HSD17B3: variants seen among roughly 807,000 people sequenced by gnomAD.
HSD17B3 encodes hydroxysteroid 17-beta dehydrogenase 3.
HSD17B3 carries 29 observed loss-of-function variants against 41.1 expected under a neutral mutation model. The observed-to-expected ratio is 0.71, with a 90% confidence interval of 0.53 to 0.96. The LOEUF is 0.96. HSD17B3 is among the 40% of genes least tolerant of loss of function. The pLI is 0.00. For missense variants in HSD17B3, 323 were observed against 374.6 expected (o/e 0.86, Z 1.14); for synonymous variants, 126 against 145.6 (o/e 0.87, Z 0.97).
chr9:96,249,570 C>T, intron 6 of HSD17B3, 181 bp downstream of exon 6: 3 of 644,164 alleles, frequency 4.7e-6, no homozygotes, highest in Non-Finnish European at 8.4e-6. Context: ...GAATCCATTA[C>T]TGTATTTTCT....
chr9:96,246,368 C>T, intron 7 of HSD17B3, 188 bp downstream of exon 7: 1 of 659,350 alleles, frequency 1.5e-6, no homozygotes, highest in Non-Finnish European at 2.7e-6. Context: ...ATGAGCTTGT[C>T]TGTCTGCAGA....
chr9:96,295,069 C>T (rs1827297915), intron 2 of HSD17B3, among the ~76,000 whole-genome samples: 1 of 130,598 alleles, frequency 7.7e-6, no homozygotes, highest in Admixed American at 9.0e-5. Context: ...TGCAGTGGCA[C>T]AATCTCGGCC....
At position 96,302,055 on chromosome 9, in the gene HSD17B3, C is replaced by A. The variant is rs868469733; in HGVS notation, c.50G>T (p.Cys17Phe). The change falls in exon 1 of 11, where the codon TGC becomes TTC. Residue 17 changes from cysteine to phenylalanine, a missense_variant. By Grantham distance (205) the Cys-to-Phe change is radical. Coordinates refer to ENST00000375263, the MANE Select transcript of HSD17B3 (RefSeq NM_000197.2). Reference sequence around the variant, plus strand: ...CACGCACTTCGCCAGGCAGGCCAGGCACACCAGCAGCCCTGTGAGGATGAA... The same window carrying A: ...CACGCACTTCGCCAGGCAGGCCAGGAACACCAGCAGCCCTGTGAGGATGAA... ...QFFILTGLLV[C>F]LACLAKCVRF... 5.6e-6 allele frequency: 9 copies of A among 1,614,018 alleles called. 1 individual carries two copies. In the African/African-American group the frequency reaches 6.7e-5, roughly 12 times the overall value.
chr9:96,270,269 CAGAGAGAG>C (rs961122103), intron 2 of HSD17B3, among the ~76,000 whole-genome samples: 1 of 150,886 alleles, frequency 6.6e-6, no homozygotes, highest in East Asian at 1.9e-4. Flanking sequence ...CACACACACA[CAGAGAGAG>C]AGAGAGAGAG....
chr9:96,238,727 G>C (rs1409211358), intron 10 of HSD17B3, among the ~76,000 whole-genome samples: 2 of 152,188 alleles, frequency 1.3e-5, no homozygotes, highest in African/African-American at 4.8e-5. Context: ...AAAGAGAAAG[G>C]CGTGGTCAGA....
intron 2 of HSD17B3, among the ~76,000 whole-genome samples, chr9:96,295,132 G>C (rs1413558108): frequency 1.4e-5 from 2 of 138,968 alleles, no homozygotes; most frequent in African/African-American, 5.4e-5. Flanking sequence ...TCAGCCTCCT[G>C]AGTAGCTGGG....
chr9:96,240,665 C>G (rs1447042924), intron 10 of HSD17B3, 93 bp downstream of exon 10: 1 of 1,272,544 alleles, frequency 7.9e-7, no homozygotes, highest in African/African-American at 1.5e-5. Context: ...TCAATGAGTG[C>G]TCCAGCAGCA....
intron 2 of HSD17B3, among the ~76,000 whole-genome samples, chr9:96,277,994 A>G (rs966901629): frequency 2.6e-5 from 4 of 152,246 alleles, no homozygotes; most frequent in African/African-American, 7.2e-5. Flanking sequence ...ACACAAAGAC[A>G]AATACTGCAT....
At chr9:96,278,384 C>G (rs941506330) in intron 2 of HSD17B3, among the ~76,000 whole-genome samples, 1 of 152,092 alleles carries the variant, frequency 6.6e-6, no homozygotes, top group African/African-American at 2.4e-5. Context: ...AAGTCATACA[C>G]TTAAATATAT....
intron 2 of HSD17B3, among the ~76,000 whole-genome samples, chr9:96,260,039 G>A (rs772723968): frequency 6.6e-6 from 1 of 152,136 alleles, no homozygotes; most frequent in Non-Finnish European, 1.5e-5. Flanking sequence ...TACTTGCCTT[G>A]CTCCCTACTG....
chr9:96,257,838 A>AT (rs1390312279), intron 2 of HSD17B3, among the ~76,000 whole-genome samples: 2 of 152,082 alleles, frequency 1.3e-5, no homozygotes, highest in African/African-American at 4.8e-5. Flanking sequence ...CTAATTCTTT[A>AT]TTTTTTGTAG....
intron 2 of HSD17B3, among the ~76,000 whole-genome samples, chr9:96,281,308 CA>C (rs901772686): frequency 2.0e-5 from 3 of 151,694 alleles, no homozygotes; most frequent in East Asian, 1.9e-4. Context: ...GCCCCCGACC[CA>C]AAAAAAATAG....
intron 2 of HSD17B3, among the ~76,000 whole-genome samples, chr9:96,267,470 A>T (rs1347661824): frequency 6.6e-6 from 1 of 152,060 alleles, no homozygotes; most frequent in East Asian, 1.9e-4. Context: ...CCATTTTTAA[A>T]AGAAGAAAAA....
intron 9 of HSD17B3, among the ~76,000 whole-genome samples, chr9:96,241,293 G>C (rs1365370887): frequency 3.3e-5 from 5 of 152,180 alleles, no homozygotes; most frequent in Admixed American, 1.3e-4. Context: ...TATTGCATGG[G>C]ACATACTTAT....
chr9:96,280,826 A>G (rs10990203), intron 2 of HSD17B3, among the ~76,000 whole-genome samples: 43,798 of 151,976 alleles, frequency 0.29, 7,244 homozygotes, highest in Non-Finnish European at 0.38. Context: ...ACCAAAACCA[A>G]TATGGCGAGG....
chr9:96,238,487 C>G (rs1392931878), intron 10 of HSD17B3, among the ~76,000 whole-genome samples: 1 of 152,136 alleles, frequency 6.6e-6, no homozygotes, highest in Non-Finnish European at 1.5e-5. Context: ...CATGGTGAAA[C>G]CCTGTCTCCA....
At chr9:96,252,763 G>A (rs1049098524) in intron 4 of HSD17B3, 40 bp downstream of exon 4, 9 of 1,009,998 alleles carry the variant, frequency 8.9e-6, no homozygotes, top group African/African-American at 1.6e-5. Flanking sequence ...TTATTTCACT[G>A]ATGTATGACA....
chr9:96,261,444 C>G (rs948259018), intron 2 of HSD17B3, among the ~76,000 whole-genome samples: 1 of 152,220 alleles, frequency 6.6e-6, no homozygotes, highest in East Asian at 1.9e-4. Flanking sequence ...ATCCGCCCGC[C>G]TTGGCCTCCC....
intron 2 of HSD17B3, among the ~76,000 whole-genome samples, chr9:96,270,247 TACACACACACAC>T (rs35263931): frequency 6.8e-6 from 1 of 147,278 alleles, no homozygotes; most frequent in Non-Finnish European, 1.5e-5. Context: ...CCCAAACACA[TACACACACACAC>T]ACACACACAC....
Sources: gnomAD v4.1 joint callset for allele counts (sites outside exome capture counted in the v4.1 genomes callset) on GRCh38, gnomAD v4.1.1 for gene constraint, MANE v1.5 for transcripts, NCBI Gene and HGNC (gene_info 2026-07-23, HGNC 2026-07-21) for gene names.